Variants in TRAPPC12 observed in about 807,000 individuals in gnomAD.
The protein encoded by TRAPPC12 is trafficking protein particle complex subunit 12.
Under a neutral mutation model 69.2 loss-of-function variants are expected in TRAPPC12, and 61 were observed. The observed-to-expected ratio is 0.88, with a 90% CI of 0.72 to 1.09. The LOEUF (loss-of-function observed/expected upper bound fraction) is 1.09. Among genes scored for constraint, TRAPPC12 ranks in the 50% least tolerant of loss-of-function variants. The pLI is 0.00. For synonymous variants in TRAPPC12, 469 were observed against 438.9 expected (o/e 1.07, Z -0.86); for missense variants, 1,101 against 1,016.4 (o/e 1.08, Z -1.13).
intron 2 of TRAPPC12, among the ~76,000 whole-genome samples, chr2:3,394,266 A>G (rs565564484): frequency 3.9e-5 from 6 of 152,284 alleles, no homozygotes; most frequent in African/African-American, 1.4e-4. Context: ...GATGCAAGGA[A>G]GGCTGAAAAT....
chr2:3,452,893 C>G (rs562989815), intron 6 of TRAPPC12, among the ~76,000 whole-genome samples: 3 of 152,340 alleles, frequency 2.0e-5, no homozygotes, highest in African/African-American at 7.2e-5. Flanking sequence ...AATATCCATT[C>G]AGCATCTTTA....
intron 3 of TRAPPC12, chr2:3,421,656 T>C (rs1333814809): frequency 1.4e-6 from 1 of 712,730 alleles, no homozygotes; most frequent in Admixed American, 2.0e-5. Context: ...CGGCTTGAAC[T>C]GTACCTCACG....
chr2:3,449,781 T>G (rs1273226496), intron 6 of TRAPPC12, among the ~76,000 whole-genome samples: 2 of 152,306 alleles, frequency 1.3e-5, no homozygotes, highest in African/African-American at 4.8e-5. Context: ...TCACCGTGCC[T>G]GACCCAGAGG....
At chr2:3,386,328 A>G (rs1208179155) in intron 1 of TRAPPC12, among the ~76,000 whole-genome samples, 1 of 152,222 alleles carries the variant, frequency 6.6e-6, no homozygotes, top group Non-Finnish European at 1.5e-5. Flanking sequence ...AAAACTACAT[A>G]AAGTAAAAGT....
intron 5 of TRAPPC12, 24 bp from the exon 6 acceptor site, chr2:3,443,755 C>A: frequency 6.2e-7 from 1 of 1,600,414 alleles, no homozygotes; most frequent in Non-Finnish European, 8.6e-7. Context: ...CAAACAAACT[C>A]ACTCAGCACT....
intron 3 of TRAPPC12, among the ~76,000 whole-genome samples, chr2:3,412,955 A>G (rs966896377): frequency 1.3e-5 from 2 of 152,206 alleles, no homozygotes; most frequent in Non-Finnish European, 2.9e-5. Flanking sequence ...CCACAAAAGT[A>G]AGGAAAATAT....
At chr2:3,448,262 AC>A (rs1438096536) in intron 6 of TRAPPC12, among the ~76,000 whole-genome samples, 1 of 152,092 alleles carries the variant, frequency 6.6e-6, no homozygotes, top group Non-Finnish European at 1.5e-5. Context: ...CAGAAGCCTC[AC>A]CCTTGAGCAC....
intron 6 of TRAPPC12, chr2:3,454,923 C>T (rs1374160183): frequency 6.6e-6 from 1 of 152,584 alleles, no homozygotes; most frequent in Non-Finnish European, 1.5e-5. Context: ...GAGAGATGGC[C>T]CAGACCCACA....
At chr2:3,396,560 T>G (rs917046348) in intron 2 of TRAPPC12, among the ~76,000 whole-genome samples, 1 of 152,172 alleles carries the variant, frequency 6.6e-6, no homozygotes, top group East Asian at 1.9e-4. Context: ...TCTCTCCTAC[T>G]TCTGGAAACT....
intron 9 of TRAPPC12, among the ~76,000 whole-genome samples, chr2:3,474,272 T>C (rs1156646716): frequency 6.6e-6 from 1 of 152,182 alleles, no homozygotes; most frequent in Non-Finnish European, 1.5e-5. Context: ...CCACAATAGC[T>C]GAGGAGCAAG....
chr2:3,446,844 A>T (rs1398274273), intron 6 of TRAPPC12, among the ~76,000 whole-genome samples: 1 of 152,204 alleles, frequency 6.6e-6, no homozygotes, highest in Non-Finnish European at 1.5e-5. Context: ...TTGGTAGACG[A>T]TGCTTGTTTC....
intron 8 of TRAPPC12, 115 bp downstream of exon 8, chr2:3,460,451 C>T (rs1665428967): frequency 1.5e-6 from 1 of 676,822 alleles, no homozygotes; most frequent in South Asian, 1.8e-5. Flanking sequence ...TGCAGAGAAG[C>T]CAGCTAAGTA....
intron 2 of TRAPPC12, among the ~76,000 whole-genome samples, chr2:3,400,621 G>A (rs1234220980): frequency 3.3e-5 from 5 of 152,194 alleles, no homozygotes; most frequent in African/African-American, 7.2e-5. Context: ...TGCCGCCCGT[G>A]GAGAGCATCG....
intron 9 of TRAPPC12, among the ~76,000 whole-genome samples, chr2:3,474,734 C>A (rs1340202257): frequency 6.6e-6 from 1 of 152,190 alleles, no homozygotes; most frequent in South Asian, 2.1e-4. Context: ...TAGAAGCTTG[C>A]TTTCTCTCTC....
chr2:3,397,298 T>C lies in TRAPPC12; in HGVS notation c.1048-4479T>C, dbSNP rs575082431. 1.5e-3 allele frequency among the ~76,000 whole-genome samples: 234 copies of C among 152,368 alleles called. 1 individual carries two copies. The highest frequency in any genetic ancestry group is 2.7e-3 in the Non-Finnish European group (187 of 68,034). On this transcript the variant is annotated intron_variant, in intron 2 of 11. Coordinates refer to ENST00000324266, the MANE Select transcript of TRAPPC12 (RefSeq NM_016030.6). The stretch of plus-strand genomic sequence containing the variant: ...AGTAGCTTCTACTTTTGGGTGACCT[T>C]TCTGAAGTCTGTACTGAATTCCCCT...
chr2:3,424,786 T>A (rs1454406972), intron 5 of TRAPPC12, 123 bp downstream of exon 5: 8 of 1,091,872 alleles, frequency 7.3e-6, no homozygotes, highest in Non-Finnish European at 1.0e-5. Context: ...ATCAGATAAG[T>A]ACCCAGCAAC....
chr2:3,424,446 C>A, intron 4 of TRAPPC12, 79 bp from the exon 5 acceptor site: 2 of 1,309,296 alleles, frequency 1.5e-6, no homozygotes, highest in Non-Finnish European at 1.1e-6. Context: ...TAACCTCTAA[C>A]ACCAACTCAT....
intron 1 of TRAPPC12, among the ~76,000 whole-genome samples, chr2:3,380,186 C>A (rs4854186): frequency 1.2e-3 from 188 of 151,960 alleles, no homozygotes; most frequent in Non-Finnish European, 2.4e-3. Flanking sequence ...TACCCGCTGG[C>A]GCGCGCCCAG....
intron 3 of TRAPPC12, among the ~76,000 whole-genome samples, chr2:3,419,643 A>G (rs78985143): frequency 5.1e-5 from 5 of 97,154 alleles, no homozygotes. Context: ...CCTCATTTCC[A>G]AAAAAAAAAA....
Sources: allele counts gnomAD v4.1 joint callset (sites outside exome capture counted in the v4.1 genomes callset), GRCh38; gene constraint gnomAD v4.1.1; transcripts MANE v1.5; gene names NCBI Gene and HGNC (gene_info 2026-07-23, HGNC 2026-07-21).